FGF14: variants seen among roughly 807,000 people sequenced by gnomAD.
FGF14 encodes fibroblast growth factor homologous factor 4.
Under a neutral mutation model 25.5 loss-of-function variants are expected in FGF14, and 5 were observed. The ratio of observed to expected loss-of-function variants is 0.20; its 90% confidence interval spans 0.10 to 0.41. The LOEUF (loss-of-function observed/expected upper bound fraction) is 0.41. FGF14 is among the 10% of genes least tolerant of loss of function. The probability of loss-of-function intolerance (pLI) is 1.00; values close to 1 mark genes in which losing one functional copy is unlikely to be tolerated. For synonymous variants in FGF14, 138 were observed against 118.3 expected, an observed-to-expected ratio of 1.17 and a Z score of -1.08; for missense variants, 222 against 320.1, an observed-to-expected ratio of 0.69 and a Z score of 2.34.
intron 1 of FGF14, among the ~76,000 whole-genome samples, chr13:102,161,571 A>AG (rs201031635): frequency 5.7e-4 from 2 of 3,482 alleles, no homozygotes; most frequent in Non-Finnish European, 2.8e-3. Context: ...TCTGTGAAGA[A>AG]AGAAAGAAGA....
chr13:101,894,380 A>G (rs1390053410), intron 1 of FGF14, among the ~76,000 whole-genome samples: 1 of 152,142 alleles, frequency 6.6e-6, no homozygotes, highest in East Asian at 1.9e-4. Context: ...TAGGCCATAG[A>G]CATAAAATAT....
At chr13:101,784,952 T>C (rs1364229691) in intron 3 of FGF14, among the ~76,000 whole-genome samples, 1 of 152,164 alleles carries the variant, frequency 6.6e-6, no homozygotes, top group Non-Finnish European at 1.5e-5. Flanking sequence ...GCCCCAGACA[T>C]CTATTTCATG....
chr13:101,939,176 T>C (rs747416072), intron 1 of FGF14, among the ~76,000 whole-genome samples: 10 of 152,210 alleles, frequency 6.6e-5, no homozygotes, highest in Non-Finnish European at 1.5e-4. Context: ...CCTATATTGA[T>C]CTCTAACTTT....
intron 3 of FGF14, among the ~76,000 whole-genome samples, chr13:101,825,807 G>A (rs574950414): frequency 1.3e-5 from 2 of 152,240 alleles, no homozygotes; most frequent in East Asian, 3.9e-4. Context: ...CACTTAACTT[G>A]AGACAGTTCC....
intron 1 of FGF14, among the ~76,000 whole-genome samples, chr13:102,270,383 TATC>T (rs150509274): frequency 2.7e-3 from 416 of 152,312 alleles, no homozygotes; most frequent in African/African-American, 9.4e-3. Flanking sequence ...TCAAAATCTG[TATC>T]ATATTACATG....
intron 1 of FGF14, among the ~76,000 whole-genome samples, chr13:101,962,912 A>G (rs2036955094): frequency 6.6e-6 from 1 of 152,214 alleles, no homozygotes; most frequent in Admixed American, 6.5e-5. Context: ...TTGCACCTGC[A>G]CCTTGCACAT....
chr13:102,201,367 A>G (rs1385363061), intron 1 of FGF14, among the ~76,000 whole-genome samples: 1 of 152,164 alleles, frequency 6.6e-6, no homozygotes, highest in Non-Finnish European at 1.5e-5. Flanking sequence ...GAACATGTAG[A>G]GTTCACAGGA....
At chr13:101,895,252 G>GTA (rs1031798633) in intron 1 of FGF14, among the ~76,000 whole-genome samples, 4 of 152,052 alleles carry the variant, frequency 2.6e-5, no homozygotes, top group Non-Finnish European at 5.9e-5. Context: ...GGTATATTAA[G>GTA]TAACATTTTT....
At chr13:101,941,453 A>T (rs529532068) in intron 1 of FGF14, among the ~76,000 whole-genome samples, 6 of 152,224 alleles carry the variant, frequency 3.9e-5, no homozygotes, top group Non-Finnish European at 8.8e-5. Context: ...TATAGCAAAA[A>T]GAAAAATACA....
intron 1 of FGF14, among the ~76,000 whole-genome samples, chr13:102,227,564 T>C (rs2050883137): frequency 6.6e-6 from 1 of 152,190 alleles, no homozygotes; most frequent in Non-Finnish European, 1.5e-5. Context: ...AACATAATTA[T>C]GATGTGTACA....
At chr13:101,988,053 A>G (rs1466327354) in intron 1 of FGF14, among the ~76,000 whole-genome samples, 1 of 152,110 alleles carries the variant, frequency 6.6e-6, no homozygotes, top group African/African-American at 2.4e-5. Flanking sequence ...TCTCTTAGAG[A>G]CACTGAAGTT....
chr13:102,061,028 C>T (rs1012338376), intron 1 of FGF14, among the ~76,000 whole-genome samples: 24 of 152,140 alleles, frequency 1.6e-4, no homozygotes, highest in African/African-American at 5.8e-4. Context: ...GAGGAGAGCC[C>T]GGCAGCTGAG....
At chr13:101,781,372 C>T (rs1333657883) in intron 3 of FGF14, among the ~76,000 whole-genome samples, 1 of 152,038 alleles carries the variant, frequency 6.6e-6, no homozygotes, top group South Asian at 2.1e-4. Flanking sequence ...TTTTTTCTAC[C>T]GTATTCTCAG....
chr13:102,175,908 C>A (rs1418877716), intron 1 of FGF14, among the ~76,000 whole-genome samples: 2 of 151,434 alleles, frequency 1.3e-5, no homozygotes, highest in African/African-American at 4.9e-5. Flanking sequence ...ATTAAAAGGT[C>A]AAAAAATAAT....
rs149319733 is a variant in FGF14 at position 101,979,620 on chromosome 13, G to A, written c.209-104324C>T. Among the ~76,000 whole-genome samples, 913 of 152,198 alleles carry A rather than the reference G, an allele frequency of 6.0e-3. 10 individuals are homozygous for A. Among genetic ancestry groups the A allele is most frequent in the African/African-American group, 0.021 (854 of 41,492 alleles). On this transcript the variant is annotated intron_variant, in intron 1 of 4. Transcript: ENST00000376131. ...ACCTTATATCTAGAAGCTGGGATAG[G>A]ATGGTAAAGGACTGAAGTTGAAGTA...
At chr13:102,219,974 A>T (rs1325454249) in intron 1 of FGF14, among the ~76,000 whole-genome samples, 1 of 152,172 alleles carries the variant, frequency 6.6e-6, no homozygotes, top group Admixed American at 6.5e-5. Context: ...TAAGTGATGT[A>T]ATAGTAAGTG....
chr13:101,778,604 C>T (rs2039289054), intron 3 of FGF14, among the ~76,000 whole-genome samples: 1 of 152,112 alleles, frequency 6.6e-6, no homozygotes. Context: ...TGTCCTGCTT[C>T]CCATGGTCAA....
chr13:102,028,662 T>A (rs75643876), intron 1 of FGF14, among the ~76,000 whole-genome samples: 1 of 152,014 alleles, frequency 6.6e-6, no homozygotes. Flanking sequence ...ACTGAGAAAA[T>A]TAGGTATTAT....
chr13:101,919,064 T>C (rs948788358), upstream of FGF14, among the ~76,000 whole-genome samples: 3 of 152,158 alleles, frequency 2.0e-5, no homozygotes, highest in Admixed American at 2.0e-4. Flanking sequence ...TGAGTGTGCA[T>C]TTATGTTGTG....
Sources: allele counts gnomAD v4.1 joint callset (sites outside exome capture counted in the v4.1 genomes callset), GRCh38; gene constraint gnomAD v4.1.1; transcripts MANE v1.5; gene names NCBI Gene and HGNC (gene_info 2026-07-23, HGNC 2026-07-21).